SLC30A7: variants seen among roughly 807,000 people sequenced by gnomAD.
SLC30A7 encodes the protein solute carrier family 30 member 7.
Under a neutral mutation model 46.0 loss-of-function variants are expected in SLC30A7, and 35 were observed. The observed-to-expected ratio is 0.76, with a 90% confidence interval of 0.58 to 1.01. The LOEUF is 1.01. Among genes scored for constraint, SLC30A7 ranks in the 50% least tolerant of loss-of-function variants. The probability of loss-of-function intolerance (pLI) is 0.00; values close to 1 mark genes in which losing one functional copy is unlikely to be tolerated. For synonymous variants in SLC30A7, 147 were observed against 157.8 expected (o/e 0.93, Z 0.51); for missense variants, 464 against 451.1 (o/e 1.03, Z -0.26).
chr1:100,932,198 T>A (rs1653701390), intron 8 of SLC30A7, among the ~76,000 whole-genome samples: 1 of 152,116 alleles, frequency 6.6e-6, no homozygotes, highest in Non-Finnish European at 1.5e-5. Flanking sequence ...GTAGATCACC[T>A]GAGGTCACGA....
chr1:100,978,178 A>C lies in SLC30A7; in HGVS notation c.*3321A>C, dbSNP rs139097393. ...GAAGGACAGTATCTAGTTTATCTGT[A>C]GGTCAGTGTTCCTTGTGCTGTCATT... On this transcript the variant is annotated 3_prime_UTR_variant, in exon 11 of 11. Coordinates refer to ENST00000357650, the MANE Select transcript of SLC30A7 (RefSeq NM_133496.5). 3 of 152,336 alleles carry C rather than the reference A, an allele frequency of 2.0e-5. No individual in the cohort carries two copies. The highest frequency in any genetic ancestry group is 7.2e-5 in the African/African-American group (3 of 41,564). The allele number at this position is 152,336 out of a possible 1,614,324, so 9.4% of individuals were successfully genotyped here.
In SLC30A7 at chr1:100,962,805, T is replaced by C. The variant is rs980947470; in HGVS notation, c.933+887T>C. On this transcript the variant is annotated intron_variant, in intron 9 of 10. Coordinates refer to ENST00000357650, the MANE Select transcript of SLC30A7 (RefSeq NM_133496.5). ...GGATGAAAGCAAAGAAAACCAGTTA[T>C]GAAGTTATTGTCCTCTAAATGAAAA... Among the ~76,000 whole-genome samples, 4 of 152,230 alleles carry C rather than the reference T, an allele frequency of 2.6e-5. 1 individual carries two copies. In the South Asian group the frequency reaches 6.2e-4, roughly 24 times the overall value.
chr1:100,907,757 C>G (rs1319147538), intron 3 of SLC30A7, among the ~76,000 whole-genome samples: 1 of 151,566 alleles, frequency 6.6e-6, no homozygotes, highest in Non-Finnish European at 1.5e-5. Flanking sequence ...TCTCTTCCTT[C>G]TTCATCTGTC....
At chr1:100,911,518 A>G (rs1045321799) in intron 4 of SLC30A7, among the ~76,000 whole-genome samples, 2 of 152,128 alleles carry the variant, frequency 1.3e-5, no homozygotes, top group Admixed American at 1.3e-4. Flanking sequence ...AGATTAGTGA[A>G]CTTAAAATGA....
chr1:100,964,347 TAC>T (rs1177889058), intron 9 of SLC30A7, among the ~76,000 whole-genome samples: 60 of 105,094 alleles, frequency 5.7e-4, no homozygotes, highest in African/African-American at 2.3e-3. Context: ...ATGTTATATA[TAC>T]ATATACATAT....
chr1:100,931,922 C>T (rs1247984721), intron 8 of SLC30A7, among the ~76,000 whole-genome samples: 1 of 152,150 alleles, frequency 6.6e-6, no homozygotes, highest in Non-Finnish European at 1.5e-5. Context: ...TGTACAAACA[C>T]CAGAGTGTGC....
intron 10 of SLC30A7, among the ~76,000 whole-genome samples, chr1:100,966,550 C>T (rs1655888854): frequency 1.3e-5 from 2 of 152,080 alleles, no homozygotes; most frequent in Non-Finnish European, 2.9e-5. Flanking sequence ...ACGGCCACTG[C>T]ACTCCAGCCT....
chr1:100,932,931 A>AT, intron 8 of SLC30A7, among the ~76,000 whole-genome samples: 2 of 147,572 alleles, frequency 1.4e-5, no homozygotes, highest in South Asian at 4.3e-4. Flanking sequence ...CCAGCCAGTT[A>AT]TTTTCCATAG....
chr1:100,896,473 G>A (rs1650940413), intron 1 of SLC30A7, 97 bp from the exon 2 acceptor site: 12 of 1,416,242 alleles, frequency 8.5e-6, no homozygotes, highest in Non-Finnish European at 1.2e-5. Flanking sequence ...GAAGAAAGGA[G>A]CATGTGAACT....
chr1:100,897,723 G>A (rs1390571037), intron 2 of SLC30A7, among the ~76,000 whole-genome samples: 2 of 152,022 alleles, frequency 1.3e-5, no homozygotes, highest in African/African-American at 2.4e-5. Context: ...CAATTCAACC[G>A]TCAATTCAGT....
At chr1:100,940,537 A>G (rs752651406) in intron 8 of SLC30A7, among the ~76,000 whole-genome samples, 1 of 152,224 alleles carries the variant, frequency 6.6e-6, no homozygotes, top group Non-Finnish European at 1.5e-5. Flanking sequence ...TTTCTAATAT[A>G]AAGAGAGCTT....
rs538059784 is a variant in SLC30A7, at chr1:100,977,290, G to A, written c.*2433G>A. On this transcript the variant is annotated 3_prime_UTR_variant, in exon 11 of 11. Transcript: ENST00000357650. ...TATCAGTACACAAATGCATGAGTAT[G>A]TTTATACAGTGTTAGACTGATGTGA... 2.0e-5 allele frequency: 3 copies of A among 152,146 alleles called. No individual in the cohort carries two copies. Among genetic ancestry groups the A allele is most frequent in the Admixed American group, 2.0e-4 (3 of 15,282 alleles). The allele number at this position is 152,146 out of a possible 1,614,324, so 9.4% of individuals were successfully genotyped here.
intron 7 of SLC30A7, among the ~76,000 whole-genome samples, chr1:100,919,054 T>G (rs184461992): frequency 3.5e-4 from 54 of 152,304 alleles, no homozygotes; most frequent in African/African-American, 1.2e-3. Context: ...AAGAATAATA[T>G]TTAATATGTT....
intron 8 of SLC30A7, among the ~76,000 whole-genome samples, chr1:100,932,978 C>CTTTTTT (rs995801710): frequency 1.4e-5 from 2 of 138,088 alleles, no homozygotes; most frequent in Non-Finnish European, 3.2e-5. Flanking sequence ...TTTCTTTTTT[C>CTTTTTT]TTTTTTTTTT....
chr1:100,957,285 A>T (rs1342086977), intron 8 of SLC30A7, among the ~76,000 whole-genome samples: 1 of 152,190 alleles, frequency 6.6e-6, no homozygotes, highest in African/African-American at 2.4e-5. Context: ...CTTAATATTG[A>T]TTGCTTAATA....
At chr1:100,974,689 A>G in intron 10 of SLC30A7, 121 bp from the exon 11 acceptor site, 1 of 663,422 alleles carries the variant, frequency 1.5e-6, no homozygotes. Flanking sequence ...TTGTTTCTGA[A>G]ATGATTCTTT....
chr1:100,926,872 A>C (rs1653337027), intron 8 of SLC30A7, among the ~76,000 whole-genome samples: 1 of 152,226 alleles, frequency 6.6e-6, no homozygotes, highest in Non-Finnish European at 1.5e-5. Flanking sequence ...AATGCCATAG[A>C]GTAGGCTAAG....
chr1:100,990,335 G>T, the SLC30A7 span: 1 of 1,373,142 alleles, frequency 7.3e-7, no homozygotes, highest in Non-Finnish European at 1.0e-6. Flanking sequence ...TGAGACTTGG[G>T]TGGGGATACA....
intron 2 of SLC30A7, among the ~76,000 whole-genome samples, chr1:100,903,499 C>A (rs1651444069): frequency 6.6e-6 from 1 of 152,012 alleles, no homozygotes; most frequent in Non-Finnish European, 1.5e-5. Context: ...GAATAATATG[C>A]CCCTTACCTT....
Sources: gnomAD v4.1 joint callset for allele counts (sites outside exome capture counted in the v4.1 genomes callset) on GRCh38, gnomAD v4.1.1 for gene constraint, MANE v1.5 for transcripts, NCBI Gene and HGNC (gene_info 2026-07-23, HGNC 2026-07-21) for gene names.